Variants in STXBP4 observed in about 807,000 individuals in gnomAD.
STXBP4 encodes the protein syntaxin binding protein 4.
In STXBP4, 55 loss-of-function variants were observed where a neutral mutation model predicts 76.1. The ratio of observed to expected loss-of-function variants is 0.72; its 90% CI spans 0.58 to 0.91. The LOEUF is 0.91. Ranked by LOEUF, STXBP4 falls within the 40% of genes least tolerant of loss-of-function variation. The pLI is 0.00. For missense variants in STXBP4, 618 were observed against 636.9 expected, an observed-to-expected ratio of 0.97 and a Z score of 0.32; for synonymous variants, 201 against 220.2, an observed-to-expected ratio of 0.91 and a Z score of 0.77.
Position 55,047,075 on chromosome 17 carries a change from G to A in STXBP4, c.946-14G>A, listed in dbSNP as rs752206997. On this transcript the variant is annotated splice_polypyrimidine_tract_variant and intron_variant, in intron 11 of 17. Transcript: ENST00000376352. ...TTCATAACAAGTTGTTAATTTGGTG[G>A]TTTTTAAATATAGGAAAAATTATTG... is the stretch of plus-strand genomic sequence containing the variant. 6.4e-6 allele frequency: 10 copies of A among 1,563,058 alleles called. No individual in the cohort carries two copies. Among genetic ancestry groups the A allele is most frequent in the African/African-American group, 1.4e-5 (1 of 73,602 alleles).
chr17:55,081,330 G>A, intron 16 of STXBP4, 147 bp downstream of exon 16: 1 of 551,354 alleles, frequency 1.8e-6, no homozygotes, highest in Non-Finnish European at 2.8e-6. Flanking sequence ...AATCATAGGA[G>A]GAGAATATTT....
chr17:55,136,037 T>C (rs1404793804), intron 16 of STXBP4, among the ~76,000 whole-genome samples: 1 of 152,194 alleles, frequency 6.6e-6, no homozygotes, highest in Non-Finnish European at 1.5e-5. Flanking sequence ...TAAACTTCTT[T>C]ATCCCTCAGT....
At chr17:55,048,636 GA>G (rs2078821768) in intron 12 of STXBP4, among the ~76,000 whole-genome samples, 2 of 151,558 alleles carry the variant, frequency 1.3e-5, no homozygotes, top group African/African-American at 4.8e-5. Context: ...AAAAAATCAG[GA>G]AAAAGTGAAA....
chr17:55,167,692 T>C lies in STXBP4; in HGVS notation c.*7781T>C, dbSNP rs1269016788. On this transcript the variant is annotated 3_prime_UTR_variant, in exon 18 of 18. Coordinates refer to ENST00000376352, the MANE Select transcript of STXBP4 (RefSeq NM_178509.6). ...GAGCAGCAGCAAACTTCTGTTCTTATGGGTTAATTAATCATGTTACTGAAG... is the reference window on the plus strand; with the variant it reads ...GAGCAGCAGCAAACTTCTGTTCTTACGGGTTAATTAATCATGTTACTGAAG... 2 of 152,248 alleles carry C rather than the reference T, an allele frequency of 1.3e-5. No individual in the cohort carries two copies. Among genetic ancestry groups the C allele is most frequent in the African/African-American group, 2.4e-5 (1 of 41,472 alleles). 9.4% of individuals were successfully genotyped at this position (152,248 alleles called of 1,614,324 possible). A position where few individuals can be genotyped will look rare whatever the true frequency, so the allele number is the denominator to read the frequency against.
chr17:55,197,634 T>C, the STXBP4 span, among the ~76,000 whole-genome samples: 1 of 151,894 alleles, frequency 6.6e-6, no homozygotes, highest in Non-Finnish European at 1.5e-5. Context: ...TCCCAGCTAC[T>C]CGGGAGGCTG....
chr17:55,086,354 A>G (rs1052706200), intron 16 of STXBP4, among the ~76,000 whole-genome samples: 1 of 152,216 alleles, frequency 6.6e-6, no homozygotes, highest in Middle Eastern at 3.2e-3. Context: ...AAGAGTAACT[A>G]GCATATCTAT....
At chr17:55,183,304 G>T in the STXBP4 span, among the ~76,000 whole-genome samples, 4 of 152,118 alleles carry the variant, frequency 2.6e-5, no homozygotes, top group East Asian at 7.7e-4. Flanking sequence ...TAAGACAAGA[G>T]GCTAGGCACA....
intron 16 of STXBP4, among the ~76,000 whole-genome samples, chr17:55,114,078 T>C (rs2079754576): frequency 6.6e-6 from 1 of 152,112 alleles, no homozygotes; most frequent in Non-Finnish European, 1.5e-5. Flanking sequence ...CTTTCCACCT[T>C]TCCAATCTTA....
chr17:55,192,982 A>G, the STXBP4 span, among the ~76,000 whole-genome samples: 4 of 152,196 alleles, frequency 2.6e-5, no homozygotes, highest in Admixed American at 6.5e-5. Flanking sequence ...TGCAAATACC[A>G]TGCACTTAAC....
chr17:55,092,047 G>T (rs547170746), intron 16 of STXBP4, among the ~76,000 whole-genome samples: 1 of 152,140 alleles, frequency 6.6e-6, no homozygotes, highest in East Asian at 1.9e-4. Flanking sequence ...TCTAACGGAA[G>T]TAACTCAGGA....
At chr17:54,995,395 C>T (rs1042086985) in intron 4 of STXBP4, among the ~76,000 whole-genome samples, 1 of 152,176 alleles carries the variant, frequency 6.6e-6, no homozygotes, top group African/African-American at 2.4e-5. Flanking sequence ...TCAAAATCCT[C>T]TCTTCAAATC....
intron 11 of STXBP4, among the ~76,000 whole-genome samples, chr17:55,046,031 T>C (rs1022851332): frequency 2.0e-5 from 3 of 152,056 alleles, no homozygotes; most frequent in African/African-American, 7.2e-5. Flanking sequence ...CCAAGATAAT[T>C]TTATGTCAAT....
At chr17:55,052,425 A>T (rs1016929818) in intron 12 of STXBP4, among the ~76,000 whole-genome samples, 1 of 152,212 alleles carries the variant, frequency 6.6e-6, no homozygotes, top group African/African-American at 2.4e-5. Context: ...TTAATTAATT[A>T]ATAGGGAGAA....
chr17:55,206,505 A>G, the STXBP4 span, among the ~76,000 whole-genome samples: 1 of 151,854 alleles, frequency 6.6e-6, no homozygotes, highest in Admixed American at 6.6e-5. Flanking sequence ...CTTCTCTTAC[A>G]CTCTTCCTTT....
chr17:55,129,661 C>A (rs966147894), intron 16 of STXBP4, among the ~76,000 whole-genome samples: 6 of 152,056 alleles, frequency 3.9e-5, no homozygotes, highest in African/African-American at 9.7e-5. Context: ...TTTTATGTAA[C>A]CTTTGAAATA....
chr17:54,971,196 C>CT (rs1283759327), intron 1 of STXBP4, among the ~76,000 whole-genome samples: 2 of 152,218 alleles, frequency 1.3e-5, no homozygotes, highest in African/African-American at 4.8e-5. Flanking sequence ...TACAAGAACA[C>CT]TTTCTCCTTC....
At chr17:55,023,595 T>C (rs957760359) in intron 8 of STXBP4, among the ~76,000 whole-genome samples, 2 of 152,118 alleles carry the variant, frequency 1.3e-5, no homozygotes, top group Non-Finnish European at 2.9e-5. Context: ...GCATTTTCGA[T>C]TTCGGATTTT....
rs570966104 is a variant in STXBP4 at position 55,066,527 on chromosome 17, A to C, written c.1012-6373A>C. Among the ~76,000 whole-genome samples, 5 of 152,210 alleles carry C rather than the reference A, an allele frequency of 3.3e-5. No homozygotes were observed. The South Asian group carries it at 1.0e-3, about 32-fold the overall frequency. On this transcript the variant is annotated intron_variant, in intron 12 of 17. Coordinates refer to ENST00000376352, the MANE Select transcript of STXBP4 (RefSeq NM_178509.6). ...ATGTAAGCCACTGTGCCTGGCCAAA[A>C]ATTGTAATTTTTAAGGAAATATAAA... is the stretch of plus-strand genomic sequence containing the variant.
chr17:55,072,378 C>G (rs2079130745), intron 12 of STXBP4, among the ~76,000 whole-genome samples: 1 of 152,150 alleles, frequency 6.6e-6, no homozygotes, highest in Admixed American at 6.6e-5. Context: ...TACTTTGCTA[C>G]TAAATGCTAC....
Sources: gnomAD v4.1 joint callset for allele counts (sites outside exome capture counted in the v4.1 genomes callset) on GRCh38, gnomAD v4.1.1 for gene constraint, MANE v1.5 for transcripts, NCBI Gene and HGNC (gene_info 2026-07-23, HGNC 2026-07-21) for gene names.